The following ZNF738 variants were observed in gnomAD, a reference collection of about 807,000 sequenced individuals.
ZNF738 encodes protein ZNF738.
Under a neutral mutation model 9.2 loss-of-function variants are expected in ZNF738, and 10 were observed. The ratio of observed to expected loss-of-function variants is 1.09; its 90% CI spans 0.67 to 1.85. The LOEUF is 1.85. ZNF738 is among the 40% of genes most tolerant of loss of function. The probability of loss-of-function intolerance (pLI) is 0.00; values close to 1 mark genes in which losing one functional copy is unlikely to be tolerated. For synonymous variants in ZNF738, 113 were observed against 94.5 expected (o/e 1.20, Z -1.14); for missense variants, 346 against 283.6 (o/e 1.22, Z -1.58).
At chr19:21,377,853 G>A (rs1035620422) in intron 4 of ZNF738, 2 of 376,924 alleles carry the variant, frequency 5.3e-6, no homozygotes, top group African/African-American at 4.2e-5. Context: ...TGATTGGAAA[G>A]TTTTCTGAAA....
intron 4 of ZNF738, 137 bp downstream of exon 4, chr19:21,376,101 T>G: frequency 4.2e-6 from 2 of 474,636 alleles, no homozygotes; most frequent in Non-Finnish European, 7.8e-6. Context: ...AGGTGTGTGG[T>G]TTTTTTGTTT....
Position 21,383,387 on chromosome 19 carries a change from A to G in ZNF738, c.841A>G (p.Ile281Val). ...CACAACTCTTACTAGACATAAGGTA[A>G]TTCATGCTGGAGAGAAACACTACAA... ...HSTTLTRHKV[I>V]HAGEKHYKCE... Residue 281 changes from isoleucine (I) to valine (V), a missense_variant, in exon 5 of 5, where the codon ATT becomes GTT. Transcript: ENST00000683779. The G allele has an allele frequency of 1.6e-6, 1 of 628,544 alleles. No individual in the cohort carries two copies. Among genetic ancestry groups the G allele is most frequent in the South Asian group, 2.0e-5 (1 of 49,434 alleles). The allele number at this position is 628,544 out of a possible 1,614,324, so 38.9% of individuals were successfully genotyped here.
At chr19:21,364,208 A>AAAAAT (rs1244399618) in intron 2 of ZNF738, among the ~76,000 whole-genome samples, 2 of 151,404 alleles carry the variant, frequency 1.3e-5, no homozygotes, top group Non-Finnish European at 2.9e-5. Context: ...AAAAAAAAAA[A>AAAAAT]AGAATTCAAA....
chr19:21,380,447 A>G (rs1307138380), intron 4 of ZNF738, among the ~76,000 whole-genome samples: 1 of 152,100 alleles, frequency 6.6e-6, no homozygotes, highest in Non-Finnish European at 1.5e-5. Flanking sequence ...GTGGGGGTGG[A>G]CAGGAGCCCT....
chr19:21,374,820 A>G (rs1973903564), intron 2 of ZNF738, among the ~76,000 whole-genome samples: 1 of 152,008 alleles, frequency 6.6e-6, no homozygotes, highest in Non-Finnish European at 1.5e-5. Context: ...TTTATTTCAC[A>G]TCTTCTGAAA....
At chr19:21,360,506 T>A (rs1327470849) in intron 1 of ZNF738, 2 of 153,020 alleles carry the variant, frequency 1.3e-5, no homozygotes, top group Non-Finnish European at 2.9e-5. Context: ...CAGGCTGGAG[T>A]GCAATGGCGC....
At chr19:21,365,705 C>G (rs2145221701) in intron 2 of ZNF738, among the ~76,000 whole-genome samples, 1 of 152,154 alleles carries the variant, frequency 6.6e-6, no homozygotes, top group African/African-American at 2.4e-5. Context: ...GCCTGTAATC[C>G]AAGCACTCTG....
Position 21,386,713 on chromosome 19 carries a change from T to A in ZNF738, c.*3039T>A, listed in dbSNP as rs1323568612. On this transcript the variant is annotated 3_prime_UTR_variant, in exon 5 of 5. Coordinates refer to ENST00000683779, the MANE Select transcript of ZNF738 (RefSeq NM_001355237.2). ...AAAAGCTTTAACTAGTTCTCAGTTATTATTATTATTTTTAGAGATGGAGTT... is the reference window on the plus strand; with the variant it reads ...AAAAGCTTTAACTAGTTCTCAGTTAATATTATTATTTTTAGAGATGGAGTT... 1.2e-5 allele frequency: 2 copies of A among 168,836 alleles called. No individual in the cohort carries two copies. Among genetic ancestry groups the A allele is most frequent in the Admixed American group, 6.0e-5 (1 of 16,752 alleles). The allele number at this position is 168,836 out of a possible 1,614,324, so 10.5% of individuals were successfully genotyped here. A position where few individuals can be genotyped will look rare whatever the true frequency, so the allele number is the denominator to read the frequency against.
intron 4 of ZNF738, chr19:21,378,583 G>A (rs998478792): frequency 1.4e-5 from 5 of 357,290 alleles, no homozygotes; most frequent in African/African-American, 4.5e-5. Context: ...TATCTCATAA[G>A]AGTATTCTTG....
rs905287915 is a variant in ZNF738 at position 21,364,300 on chromosome 19, G to A, written c.96+2442G>A. On this transcript the variant is annotated intron_variant, in intron 2 of 4. Coordinates refer to ENST00000683779, the MANE Select transcript of ZNF738 (RefSeq NM_001355237.2). ...AGGTAGACAAGGGCTTTTTTTCATA[G>A]AGTGGAGCCTACAAGATTAGAAAGA... Among the ~76,000 whole-genome samples, 37 of 151,104 alleles carry A rather than the reference G, an allele frequency of 2.4e-4. 1 individual carries two copies. Among genetic ancestry groups the A allele is most frequent in the Admixed American group, 9.9e-4 (15 of 15,154 alleles).
At chr19:21,365,920 G>A (rs1973770524) in intron 2 of ZNF738, among the ~76,000 whole-genome samples, 1 of 149,698 alleles carries the variant, frequency 6.7e-6, no homozygotes, top group Non-Finnish European at 1.5e-5. Context: ...TCGCGCCACT[G>A]CACTCTAGTC....
intron 2 of ZNF738, among the ~76,000 whole-genome samples, chr19:21,374,946 G>A (rs549740997): frequency 6.6e-6 from 1 of 152,170 alleles, no homozygotes; most frequent in South Asian, 2.1e-4. Context: ...TCTTTGTGAT[G>A]CAAATATAAC....
chr19:21,362,714 A>G (rs1324542039), intron 2 of ZNF738, among the ~76,000 whole-genome samples: 1 of 152,210 alleles, frequency 6.6e-6, no homozygotes, highest in Admixed American at 6.5e-5. Context: ...AAAATTAATC[A>G]TATATTTCAT....
At chr19:21,366,299 G>A (rs1973778494) in intron 2 of ZNF738, among the ~76,000 whole-genome samples, 1 of 152,118 alleles carries the variant, frequency 6.6e-6, no homozygotes, top group South Asian at 2.1e-4. Flanking sequence ...CCTAAGTTGG[G>A]TCTTGAATCC....
Position 21,386,180 on chromosome 19 carries a change from C to T in ZNF738, c.*2506C>T, listed in dbSNP as rs540353493. Reference sequence around the variant, plus strand: ...TTGTACTGGAGAGAAAACCTACAAACGTGAGGAATGTGGCAAAGCCTTTAA... The same window carrying T: ...TTGTACTGGAGAGAAAACCTACAAATGTGAGGAATGTGGCAAAGCCTTTAA... On this transcript the variant is annotated 3_prime_UTR_variant, in exon 5 of 5. Coordinates refer to ENST00000683779, the MANE Select transcript of ZNF738 (RefSeq NM_001355237.2). 4.0e-5 allele frequency among the ~76,000 whole-genome samples: 6 copies of T among 151,604 alleles called. No homozygotes were observed. The highest frequency in any genetic ancestry group is 2.1e-4 in the South Asian group (1 of 4,762).
At position 21,383,050 on chromosome 19, in the gene ZNF738, G is replaced by T; in HGVS notation, c.504G>T (p.Leu168Phe). The T allele has an allele frequency of 2.0e-6, 2 of 1,024,934 alleles. No homozygotes were observed. Among genetic ancestry groups the T allele is most frequent in the South Asian group, 2.6e-5 (2 of 78,106 alleles). 63.5% of individuals were successfully genotyped at this position (1,024,934 alleles called of 1,614,324 possible). A position where few individuals can be genotyped will look rare whatever the true frequency, so the allele number is the denominator to read the frequency against. Residue 168 changes from leucine (L) to phenylalanine (F), a missense_variant, in exon 5 of 5, where the codon TTG becomes TTT. Transcript: ENST00000683779. ...GTTATAATGAACTAAAAGAGTATTT[G>T]ACAACTACCCAGAGCAAAATATTTC... ...KEGYNELKEY[L>F]TTTQSKIFQC...
chr19:21,376,237 C>A, intron 4 of ZNF738: 1 of 300,760 alleles, frequency 3.3e-6, no homozygotes, highest in East Asian at 8.3e-5. Context: ...CCAGAGTCCT[C>A]TTCATGGCAT....
At chr19:21,381,501 C>CT (rs569905566) in intron 4 of ZNF738, 1,129 of 989,896 alleles carry the variant, frequency 1.1e-3, no homozygotes, top group Non-Finnish European at 1.4e-3. Flanking sequence ...TTTTCTTTTT[C>CT]TTTTTTTTTC....
chr19:21,376,151 T>C, intron 4 of ZNF738, 187 bp downstream of exon 4: 1 of 424,452 alleles, frequency 2.4e-6, no homozygotes, highest in Non-Finnish European at 4.4e-6. Context: ...TAGGGCCATC[T>C]TCTGTCTTAG....
Sources: allele counts gnomAD v4.1 joint callset (sites outside exome capture counted in the v4.1 genomes callset), GRCh38; gene constraint gnomAD v4.1.1; transcripts MANE v1.5; gene names NCBI Gene and HGNC (gene_info 2026-07-23, HGNC 2026-07-21).